The following SLC24A2 variants were observed in gnomAD, a reference collection of about 807,000 sequenced individuals.
SLC24A2 encodes the protein solute carrier family 24 member 2, also known as sodium/potassium/calcium exchanger 2.
A neutral mutation model predicts 62.0 loss-of-function variants in SLC24A2; 36 were observed. That is an observed-to-expected ratio of 0.58 (90% CI 0.44 to 0.77). The LOEUF (loss-of-function observed/expected upper bound fraction) is 0.77, where lower values mean the gene tolerates loss of function less well. SLC24A2 is among the 30% of genes least tolerant of loss of function. SLC24A2 has a pLI of 0.00. For missense variants in SLC24A2, 846 were observed against 817.9 expected, an observed-to-expected ratio of 1.03 and a Z score of -0.42; for synonymous variants, 358 against 294.0, an observed-to-expected ratio of 1.22 and a Z score of -2.23.
rs575814446 is a variant in SLC24A2, at chr9:19,623,907, A to G, written c.931-1608T>C. ...GAGCACAGCCTGTGGGCATCACTAAATTCGCCTTAACCCTTGGGTTGGGGG... is the reference window on the plus strand; with the variant it reads ...GAGCACAGCCTGTGGGCATCACTAAGTTCGCCTTAACCCTTGGGTTGGGGG... On this transcript the variant is annotated intron_variant, in intron 2 of 10. Coordinates refer to ENST00000341998, the MANE Select transcript of SLC24A2 (RefSeq NM_020344.4). Among the ~76,000 whole-genome samples the G allele has an allele frequency of 3.4e-4, 52 of 152,320 alleles. No homozygotes were observed. In the South Asian group the frequency reaches 3.9e-3, roughly 12 times the overall value.
In SLC24A2 at chr9:19,565,688, G is replaced by A. The variant is rs547142601; in HGVS notation, c.1347+7663C>T. Among the ~76,000 whole-genome samples the A allele has an allele frequency of 4.2e-3, 638 of 152,256 alleles. 7 individuals carry two copies. The highest frequency in any genetic ancestry group is 0.014 in the African/African-American group (601 of 41,530). ...CCTAAGCCAAAAGAACAAAGCTGGA[G>A]GCATCAGGCTACCTGACTTCAAACT... On this transcript the variant is annotated intron_variant, in intron 7 of 10. Transcript: ENST00000341998.
At chr9:19,581,652 G>A (rs985677638) in intron 5 of SLC24A2, among the ~76,000 whole-genome samples, 8 of 152,216 alleles carry the variant, frequency 5.3e-5, no homozygotes, top group African/African-American at 1.9e-4. Context: ...TTACTGAAAA[G>A]AAGATTGATA....
At chr9:19,921,374 T>C in the SLC24A2 span, among the ~76,000 whole-genome samples, 1 of 151,510 alleles carries the variant, frequency 6.6e-6, no homozygotes, top group Non-Finnish European at 1.5e-5. Context: ...ATACAAAAAA[T>C]TACCCAGGCA....
the SLC24A2 span, among the ~76,000 whole-genome samples, chr9:20,208,287 T>C: frequency 6.6e-6 from 1 of 152,116 alleles, no homozygotes. Flanking sequence ...TTGCCAGCTT[T>C]ACCAGGCTTG....
At chr9:19,788,420 G>T in intron 1 of SLC24A2, 1 of 782,376 alleles carries the variant, frequency 1.3e-6, no homozygotes, top group South Asian at 5.8e-5. Context: ...CCCGGGAGCT[G>T]CCTCCGTAGG....
the SLC24A2 span, among the ~76,000 whole-genome samples, chr9:20,076,101 T>C: frequency 2.0e-5 from 3 of 152,308 alleles, no homozygotes; most frequent in African/African-American, 7.2e-5. Flanking sequence ...TTCTTTTTTT[T>C]TCTGAATATT....
At chr9:19,631,041 G>C (rs527243165) in intron 2 of SLC24A2, among the ~76,000 whole-genome samples, 46 of 152,124 alleles carry the variant, frequency 3.0e-4, no homozygotes, top group Admixed American at 2.1e-3. Flanking sequence ...TTCCTCCCTA[G>C]TTCATTCTTT....
the SLC24A2 span, among the ~76,000 whole-genome samples, chr9:20,156,600 ACTCT>A: frequency 2.0e-5 from 3 of 151,630 alleles, no homozygotes; most frequent in African/African-American, 7.3e-5. Flanking sequence ...ATGTTGCTAA[ACTCT>A]CTCCAGTAAT....
intron 7 of SLC24A2, among the ~76,000 whole-genome samples, chr9:19,550,555 C>A (rs1481469373): frequency 6.6e-6 from 1 of 152,222 alleles, no homozygotes; most frequent in Non-Finnish European, 1.5e-5. Context: ...GCTACAACTA[C>A]AATTCACGAG....
At chr9:20,096,894 G>C in the SLC24A2 span, among the ~76,000 whole-genome samples, 1 of 151,318 alleles carries the variant, frequency 6.6e-6, no homozygotes, top group Non-Finnish European at 1.5e-5. Flanking sequence ...ACTGCCTCTT[G>C]TGTGGTGATT....
chr9:19,517,859 C>G lies in SLC24A2; in HGVS notation c.1737-1457G>C, dbSNP rs758019491. On this transcript the variant is annotated intron_variant, in intron 10 of 10. Coordinates refer to ENST00000341998, the MANE Select transcript of SLC24A2 (RefSeq NM_020344.4). ...TGACAGGGACTTGGCCTGGGAAACT[C>G]TTTTCCCATCCCTTGTGAAGAAAGA... 2.1e-4 allele frequency among the ~76,000 whole-genome samples: 32 copies of G among 151,464 alleles called. 1 individual carries two copies. Among genetic ancestry groups the G allele is most frequent in the Admixed American group, 7.9e-4 (12 of 15,164 alleles).
the SLC24A2 span, among the ~76,000 whole-genome samples, chr9:19,794,632 G>T: frequency 2.0e-5 from 3 of 151,580 alleles, no homozygotes; most frequent in African/African-American, 7.3e-5. Flanking sequence ...GTTCTCCAAG[G>T]GCAGAAGTGG....
the SLC24A2 span, among the ~76,000 whole-genome samples, chr9:20,306,637 T>C: frequency 6.6e-6 from 1 of 152,220 alleles, no homozygotes. Flanking sequence ...TGTCTTTGTG[T>C]CATCCCATGA....
the SLC24A2 span, among the ~76,000 whole-genome samples, chr9:19,900,355 T>G: frequency 6.6e-6 from 1 of 152,228 alleles, no homozygotes; most frequent in Non-Finnish European, 1.5e-5. Context: ...TAAAAAATAC[T>G]GGGTTATCAC....
At chr9:19,802,660 A>G in the SLC24A2 span, among the ~76,000 whole-genome samples, 6 of 152,338 alleles carry the variant, frequency 3.9e-5, no homozygotes, top group East Asian at 1.2e-3. Context: ...GCAAAATAAT[A>G]AAAATGTTTA....
the SLC24A2 span, among the ~76,000 whole-genome samples, chr9:20,044,381 G>A: frequency 1.3e-5 from 2 of 152,116 alleles, no homozygotes; most frequent in African/African-American, 4.8e-5. Context: ...TACCATTTCT[G>A]CTCTGAAAAG....
chr9:19,878,951 G>A, the SLC24A2 span, among the ~76,000 whole-genome samples: 3 of 152,064 alleles, frequency 2.0e-5, no homozygotes, highest in East Asian at 3.9e-4. Flanking sequence ...AGAGCATGAA[G>A]ACAACACTCC....
At chr9:19,651,125 T>A (rs1204829904) in intron 2 of SLC24A2, among the ~76,000 whole-genome samples, 1 of 152,156 alleles carries the variant, frequency 6.6e-6, no homozygotes, top group Non-Finnish European at 1.5e-5. Context: ...GAAGCCCCGA[T>A]TACCTCATCT....
chr9:20,118,965 A>G, the SLC24A2 span, among the ~76,000 whole-genome samples: 1 of 151,982 alleles, frequency 6.6e-6, no homozygotes, highest in Non-Finnish European at 1.5e-5. Context: ...TTGCTAGGAG[A>G]CTCACTCCAG....
Sources: gnomAD v4.1 joint callset for allele counts (sites outside exome capture counted in the v4.1 genomes callset) on GRCh38, gnomAD v4.1.1 for gene constraint, MANE v1.5 for transcripts, NCBI Gene and HGNC (gene_info 2026-07-23, HGNC 2026-07-21) for gene names.